PER2: variants seen among roughly 807,000 people sequenced by gnomAD.
The protein encoded by PER2 is period circadian protein homolog 2.
Under a neutral mutation model 121.0 loss-of-function variants are expected in PER2, and 66 were observed. The observed-to-expected ratio is 0.55, with a 90% CI of 0.45 to 0.67. The LOEUF is 0.67. Among genes scored for constraint, PER2 ranks in the 30% least tolerant of loss-of-function variants. PER2 has a pLI of 0.00. For synonymous variants in PER2, 684 were observed against 659.9 expected, an observed-to-expected ratio of 1.04 and a Z score of -0.56; for missense variants, 1,521 against 1,635.0, an observed-to-expected ratio of 0.93 and a Z score of 1.20.
chr2:238,284,303 G>A (rs1405099342), intron 1 of PER2, among the ~76,000 whole-genome samples: 2 of 151,996 alleles, frequency 1.3e-5, no homozygotes, highest in South Asian at 2.1e-4. Context: ...TTAGCCAGGC[G>A]TCATGGTGTG....
chr2:238,274,977 T>G (rs1696407549), intron 4 of PER2, among the ~76,000 whole-genome samples: 1 of 152,164 alleles, frequency 6.6e-6, no homozygotes, highest in Non-Finnish European at 1.5e-5. Context: ...ACCTGCTCAC[T>G]GCTGATGAAA....
intron 13 of PER2, among the ~76,000 whole-genome samples, 181 bp downstream of exon 13, chr2:238,260,647 C>G (rs1185068885): frequency 6.6e-6 from 1 of 152,234 alleles, no homozygotes; most frequent in African/African-American, 2.4e-5. Context: ...GCTATGGTTT[C>G]TAGCTCTTTC....
chr2:238,249,903 G>A (rs773955682), intron 21 of PER2, among the ~76,000 whole-genome samples: 1 of 152,184 alleles, frequency 6.6e-6, no homozygotes, highest in Non-Finnish European at 1.5e-5. Flanking sequence ...CCCTGGCCCC[G>A]CAGGACTGTG....
At chr2:238,262,137 C>A in intron 11 of PER2, 54 bp downstream of exon 11, 3 of 1,559,326 alleles carry the variant, frequency 1.9e-6, no homozygotes, top group Non-Finnish European at 2.7e-6. Flanking sequence ...GTGAGGACAG[C>A]CCGAGACCCC....
Position 238,244,436 on chromosome 2 carries a change from G to A in PER2, c.*1939C>T, listed in dbSNP as rs558633580. 6.6e-6 allele frequency: 1 copy of A among 152,608 alleles called. No individual in the cohort carries two copies. Among genetic ancestry groups the A allele is most frequent in the South Asian group, 2.1e-4 (1 of 4,826 alleles). The allele number at this position is 152,608 out of a possible 1,614,324, so 9.5% of individuals were successfully genotyped here. On this transcript the variant is annotated 3_prime_UTR_variant, in exon 23 of 23. Coordinates refer to ENST00000254657, the MANE Select transcript of PER2 (RefSeq NM_022817.3). ...ACATATTAAATGATAAAATAATGCT[G>A]ATGGTAAACATTCATAACAGCAGAG...
In PER2 at chr2:238,273,124, G is replaced by A. The variant is rs1053255913; in HGVS notation, c.516C>T (p.Ser172=). Residue 172 remains serine, a synonymous_variant, in exon 5 of 23, where the codon TCC becomes TCT. Transcript: ENST00000254657. The part of the protein sequence containing the change: ...EGHPCGADVP[S]YTVEEMESVT... ...CGCTCTCCATCTCCTCCACGGTGTA[G>A]GAGGGCACGTCTGCTCCACAGGGGT... 1 of 1,613,814 alleles carries A rather than the reference G, an allele frequency of 6.2e-7. No homozygotes were observed. The highest frequency in any genetic ancestry group is 8.5e-7 in the Non-Finnish European group (1 of 1,179,702).
intron 16 of PER2, among the ~76,000 whole-genome samples, chr2:238,257,906 A>G (rs980816587): frequency 1.2e-4 from 18 of 152,260 alleles, no homozygotes; most frequent in African/African-American, 4.1e-4. Flanking sequence ...CACACTGGAA[A>G]GAGGGCCTGC....
intron 1 of PER2, among the ~76,000 whole-genome samples, chr2:238,283,469 C>T (rs1696689413): frequency 6.6e-6 from 1 of 152,238 alleles, no homozygotes; most frequent in Non-Finnish European, 1.5e-5. Context: ...GGAGAGTGAG[C>T]TACCAGAGGA....
chr2:238,260,993 C>A, intron 12 of PER2, 40 bp from the exon 13 acceptor site: 2 of 1,603,130 alleles, frequency 1.2e-6, no homozygotes, highest in South Asian at 1.1e-5. Context: ...ACAGCCAGGG[C>A]TGCTGAGCTA....
chr2:238,275,793 C>CTGGCCTTGCCCT lies in PER2; in HGVS notation c.386_397dup (p.Lys129_Ala132dup), dbSNP rs1696435076. The CTGGCCTTGCCCT allele has an allele frequency of 6.2e-7, 1 of 1,614,140 alleles. No individual in the cohort carries two copies. The highest frequency in any genetic ancestry group is 1.3e-5 in the African/African-American group (1 of 74,958). On this transcript the variant is annotated inframe_insertion, in exon 4 of 23. Coordinates refer to ENST00000254657, the MANE Select transcript of PER2 (RefSeq NM_022817.3). The stretch of plus-strand genomic sequence containing the variant: ...GGCGTACTTCAAGGTGGCCAGCGTA[C>CTGGCCTTGCCCT]TGGCCTTGCCCTTGGCCTTCTTGTC...
In PER2 at chr2:238,268,013, A is replaced by G; in HGVS notation, c.967+43T>C. The G allele has an allele frequency of 1.9e-6, 3 of 1,606,964 alleles. No homozygotes were observed. Among genetic ancestry groups the G allele is most frequent in the Non-Finnish European group, 2.6e-6 (3 of 1,175,926 alleles). ...TGAACCACAGGAGTAACTGAGGGGG[A>G]GCCAGAGACAACATCTGCCCTCGCC... is the stretch of plus-strand genomic sequence containing the variant. On this transcript the variant is annotated intron_variant, in intron 8 of 22. Coordinates refer to ENST00000254657, the MANE Select transcript of PER2 (RefSeq NM_022817.3). This position sits in a 1 kb window ranked among gnomAD's most constrained non-coding sequence, Gnocchi z 4.0.
chr2:238,277,677 A>T (rs759520990), intron 2 of PER2, 30 bp downstream of exon 2: 1 of 1,613,254 alleles, frequency 6.2e-7, no homozygotes, highest in African/African-American at 1.3e-5. Context: ...CAACCTGCCC[A>T]GCCTCCATCT....
In PER2 at chr2:238,253,574, C is replaced by T. The variant is rs991855337; in HGVS notation, c.2449G>A (p.Val817Met). The T allele has an allele frequency of 6.2e-6, 10 of 1,609,826 alleles. No homozygotes were observed. In the African/African-American group the frequency reaches 6.7e-5, roughly 11 times the overall value. The stretch of plus-strand genomic sequence containing the variant: ...CCCACCAGCGGGGGCCGGGCGGACA[C>T]GGGCCCCCCAGATCCGGTGCTCTCA... ...SSESTGSGGP[V>M]SARPPLVGLN... The change falls in exon 19 of 23, where the codon GTG (valine) becomes ATG (methionine). Residue 817 changes from valine (V) to methionine (M), a missense_variant. Val to Met is a conservative substitution (Grantham distance 21). Transcript: ENST00000254657. This position sits in a 1 kb window ranked among gnomAD's most constrained non-coding sequence, Gnocchi z 5.6.
intron 21 of PER2, among the ~76,000 whole-genome samples, chr2:238,250,264 G>A (rs192640150): frequency 7.9e-4 from 120 of 152,358 alleles, no homozygotes; most frequent in Non-Finnish European, 1.5e-3. Context: ...TGTGAAAATT[G>A]AGCATGGCAC....
At chr2:238,297,903 T>C in the PER2 span, among the ~76,000 whole-genome samples, 1 of 152,194 alleles carries the variant, frequency 6.6e-6, no homozygotes, top group Non-Finnish European at 1.5e-5. Flanking sequence ...ACATGCCGCG[T>C]GTCTGGCTTG....
At chr2:238,278,000 C>G in intron 1 of PER2, 45 bp from the exon 2 acceptor site, 1 of 1,583,444 alleles carries the variant, frequency 6.3e-7, no homozygotes, top group Middle Eastern at 2.2e-4. Context: ...AGCACACGCA[C>G]AAGGGGCGCT....
At chr2:238,293,009 T>A (rs180921836), upstream of PER2, among the ~76,000 whole-genome samples, 2 of 151,412 alleles carry the variant, frequency 1.3e-5, no homozygotes, top group Non-Finnish European at 2.9e-5. Flanking sequence ...GTGCTGGGAT[T>A]ACAGATGTGA....
upstream of PER2, among the ~76,000 whole-genome samples, chr2:238,292,978 C>G (rs1213019963): frequency 6.6e-6 from 1 of 151,320 alleles, no homozygotes; most frequent in Non-Finnish European, 1.5e-5. Flanking sequence ...CCTCGTGATC[C>G]GCCCGCCTCG....
At chr2:238,286,473 A>C (rs1047002282) in intron 1 of PER2, among the ~76,000 whole-genome samples, 7 of 152,160 alleles carry the variant, frequency 4.6e-5, no homozygotes, top group African/African-American at 1.7e-4. Flanking sequence ...CACGATGAGC[A>C]TAATGAGTTG....
Sources: gnomAD v4.1 joint callset for allele counts (sites outside exome capture counted in the v4.1 genomes callset) on GRCh38, gnomAD v4.1.1 for gene constraint, Gnocchi (gnomAD v3.1) non-coding constraint, MANE v1.5 for transcripts, NCBI Gene and HGNC (gene_info 2026-07-23, HGNC 2026-07-21) for gene names.